Variants in TRIM36 observed in about 807,000 individuals in gnomAD.
TRIM36 encodes E3 ubiquitin-protein ligase TRIM36.
A neutral mutation model predicts 72.4 loss-of-function variants in TRIM36; 42 were observed. The ratio of observed to expected loss-of-function variants is 0.58; its 90% CI spans 0.45 to 0.75. TRIM36 has a LOEUF of 0.75. Among genes scored for constraint, TRIM36 ranks in the 30% least tolerant of loss-of-function variants. The pLI is 0.00. For missense variants in TRIM36, 913 were observed against 857.1 expected (o/e 1.07, Z -0.81); for synonymous variants, 315 against 282.8 (o/e 1.11, Z -1.14).
intron 4 of TRIM36, among the ~76,000 whole-genome samples, chr5:115,141,592 A>T (rs1298708814): frequency 6.6e-6 from 1 of 152,218 alleles, no homozygotes; most frequent in Middle Eastern, 3.2e-3. Flanking sequence ...AATCAGTTGG[A>T]AAAAAGAACA....
rs1341124192 is a variant in TRIM36 at position 115,169,888 on chromosome 5, GCAGCGGCTC to G, written c.-263_-255del. The G allele has an allele frequency of 8.4e-6, 11 of 1,303,120 alleles. No homozygotes were observed. In the African/African-American group the frequency reaches 9.2e-5, roughly 11 times the overall value. 80.7% of individuals were successfully genotyped at this position (1,303,120 alleles called of 1,614,324 possible). On this transcript the variant is annotated 5_prime_UTR_variant, in exon 1 of 10. Transcript: ENST00000513154. ...GAATCCCGCCCAGCTGCCGGCTGCAGCAGCGGCTCCTGCGGACTGCGGCTGGGAACGGCG... is the reference window on the plus strand; with the variant it reads ...GAATCCCGCCCAGCTGCCGGCTGCAGCTGCGGACTGCGGCTGGGAACGGCG...
upstream of TRIM36, chr5:115,171,054 T>TA: frequency 6.2e-7 from 1 of 1,612,472 alleles, no homozygotes; most frequent in Non-Finnish European, 8.5e-7. Context: ...ACAGATGCCC[T>TA]AAATTGCTGG....
intron 4 of TRIM36, 137 bp from the exon 5 acceptor site, chr5:115,141,511 A>G (rs1753274278): frequency 2.0e-6 from 1 of 507,444 alleles, no homozygotes; most frequent in Non-Finnish European, 3.4e-6. Flanking sequence ...TATGGCAATT[A>G]TCATTATTAA....
chr5:115,174,706 G>C (rs943523889), upstream of TRIM36, among the ~76,000 whole-genome samples: 1 of 152,078 alleles, frequency 6.6e-6, no homozygotes, highest in Non-Finnish European at 1.5e-5. Flanking sequence ...CCTCTATTCT[G>C]AATTCTTTTA....
In TRIM36 at chr5:115,126,535, C is replaced by T; in HGVS notation, c.2119G>A (p.Ala707Thr). The T allele has an allele frequency of 6.2e-7, 1 of 1,610,064 alleles. No individual in the cohort carries two copies. The highest frequency in any genetic ancestry group is 8.5e-7 in the Non-Finnish European group (1 of 1,176,666). Residue 707 changes from alanine to threonine, a missense_variant, in exon 10 of 10, where the codon GCA becomes ACA. Ala to Thr is a moderately conservative substitution (Grantham distance 58). Transcript: ENST00000513154. The part of the protein sequence containing the change: ...GGIQLEEPIT[A>T]KYLEYQEDM ...TCCTCTTGGTATTCCAGATATTTTG[C>T]TGTGATGGGTTCTTCAAGCTGAATT...
At chr5:115,130,085 T>C (rs140201736) in intron 9 of TRIM36, among the ~76,000 whole-genome samples, 4 of 152,318 alleles carry the variant, frequency 2.6e-5, no homozygotes, top group Admixed American at 6.5e-5. Flanking sequence ...TCAAAGCTAG[T>C]TGACCTTATT....
chr5:115,142,354 T>C (rs1026018038), intron 4 of TRIM36, among the ~76,000 whole-genome samples: 2 of 152,142 alleles, frequency 1.3e-5, no homozygotes, highest in Admixed American at 6.5e-5. Flanking sequence ...TCAGAAGTAC[T>C]AGGTGCAAAG....
intron 2 of TRIM36, among the ~76,000 whole-genome samples, chr5:115,152,159 A>G (rs937065159): frequency 6.6e-6 from 1 of 152,186 alleles, no homozygotes; most frequent in Non-Finnish European, 1.5e-5. Flanking sequence ...AAGGAAATAG[A>G]TAGCATAAAT....
intron 9 of TRIM36, among the ~76,000 whole-genome samples, chr5:115,128,728 C>T (rs1358515610): frequency 1.4e-4 from 15 of 108,616 alleles, no homozygotes; most frequent in Admixed American, 6.8e-4. Context: ...GTCCGCAGTC[C>T]GGCCTGGGCG....
At chr5:115,134,258 A>G (rs1752845627) in intron 7 of TRIM36, 111 bp from the exon 8 acceptor site, 2 of 921,274 alleles carry the variant, frequency 2.2e-6, no homozygotes, top group African/African-American at 3.5e-5. Flanking sequence ...CTATACTAAT[A>G]CTTTTCTAAA....
At chr5:115,164,317 A>AC (rs1321678119) in intron 1 of TRIM36, among the ~76,000 whole-genome samples, 1 of 152,222 alleles carries the variant, frequency 6.6e-6, no homozygotes, top group Non-Finnish European at 1.5e-5. Context: ...CTCATGCTGT[A>AC]TATCAAAGCA....
intron 6 of TRIM36, 67 bp downstream of exon 6, chr5:115,137,296 G>T: frequency 6.5e-7 from 1 of 1,538,152 alleles, no homozygotes. Context: ...GAGCTAAAGT[G>T]AGAATACACA....
At chr5:115,150,006 G>C (rs1753806283) in intron 2 of TRIM36, among the ~76,000 whole-genome samples, 1 of 152,158 alleles carries the variant, frequency 6.6e-6, no homozygotes, top group South Asian at 2.1e-4. Context: ...TGATCCACCT[G>C]CCTCGGCCTC....
intron 2 of TRIM36, among the ~76,000 whole-genome samples, chr5:115,159,081 T>A (rs1754338693): frequency 6.6e-6 from 1 of 152,170 alleles, no homozygotes; most frequent in African/African-American, 2.4e-5. Context: ...TTACATAGAA[T>A]CAAATATTTC....
chr5:115,133,046 G>A (rs992837941), intron 8 of TRIM36, among the ~76,000 whole-genome samples: 2 of 152,154 alleles, frequency 1.3e-5, no homozygotes, highest in African/African-American at 4.8e-5. Context: ...AGGAAGAAAG[G>A]GGAGAGTGAA....
In TRIM36 at chr5:115,147,191, T is replaced by C. The variant is rs201872951; in HGVS notation, c.466A>G (p.Thr156Ala). The C allele has an allele frequency of 2.5e-6, 4 of 1,614,216 alleles. No individual in the cohort carries two copies. Among genetic ancestry groups the C allele is most frequent in the Non-Finnish European group, 3.4e-6 (4 of 1,180,048 alleles). Residue 156 changes from threonine to alanine, a missense_variant, in exon 3 of 10, where the codon ACA (threonine) becomes GCA (alanine). Coordinates refer to ENST00000513154, the MANE Select transcript of TRIM36 (RefSeq NM_001300759.2). ...GCACTACAGTCCATGCAGCTTTTTG[T>C]GGATTCTTGAGGTGGTGGTTTACAA... Reference protein sequence around the residue: ...DLCKPPPQESTKSCMDCSASY... With the variant: ...DLCKPPPQESAKSCMDCSASY...
chr5:115,131,028 G>A (rs1752648534), intron 8 of TRIM36, 139 bp from the exon 9 acceptor site: 1 of 935,202 alleles, frequency 1.1e-6, no homozygotes, highest in East Asian at 2.6e-5. Context: ...GGACAACTAT[G>A]ACAAACCAAA....
chr5:115,126,629 G>C lies in TRIM36; in HGVS notation c.2025C>G (p.Cys675Trp), dbSNP rs778054545. Reference protein sequence around the residue: ...VDFYDMDQMKCLYERQVDCSH... With the variant: ...VDFYDMDQMKWLYERQVDCSH... Reference sequence around the variant, plus strand: ...AACAGTCCACTTGGCGTTCATAAAGGCATTTCATCTGATCCATATCATAGA... The same window carrying C: ...AACAGTCCACTTGGCGTTCATAAAGCCATTTCATCTGATCCATATCATAGA... The change falls in exon 10 of 10, where the codon TGC becomes TGG. Residue 675 changes from cysteine to tryptophan, a missense_variant. Cys to Trp is a radical substitution (Grantham distance 215). Coordinates refer to ENST00000513154, the MANE Select transcript of TRIM36 (RefSeq NM_001300759.2). 1.2e-6 allele frequency: 2 copies of C among 1,614,096 alleles called. No individual in the cohort carries two copies. Among genetic ancestry groups the C allele is most frequent in the East Asian group, 4.5e-5 (2 of 44,870 alleles).
chr5:115,133,025 T>C (rs559120775), intron 8 of TRIM36, among the ~76,000 whole-genome samples: 2 of 152,222 alleles, frequency 1.3e-5, no homozygotes, highest in East Asian at 3.9e-4. Context: ...CTTTTCTATT[T>C]TGAACAAAAA....
Sources: gnomAD v4.1 joint callset for allele counts (sites outside exome capture counted in the v4.1 genomes callset) on GRCh38, gnomAD v4.1.1 for gene constraint, MANE v1.5 for transcripts, NCBI Gene and HGNC (gene_info 2026-07-23, HGNC 2026-07-21) for gene names.